Variants in CTNNA2 observed in about 807,000 individuals in gnomAD.
CTNNA2 encodes the protein catenin alpha-2.
In CTNNA2, 42 loss-of-function variants were observed where a neutral mutation model predicts 101.0. The observed-to-expected ratio is 0.42, with a 90% CI of 0.32 to 0.54. CTNNA2 has a LOEUF of 0.54. CTNNA2 is among the 20% of genes least tolerant of loss of function. The pLI is 0.14. For missense variants in CTNNA2, 871 were observed against 1,223.1 expected (o/e 0.71, Z 4.29); for synonymous variants, 450 against 456.4 (o/e 0.99, Z 0.18).
intron 4 of CTNNA2, among the ~76,000 whole-genome samples, chr2:79,409,706 T>C (rs1678385291): frequency 2.0e-5 from 3 of 150,000 alleles, no homozygotes; most frequent in Non-Finnish European, 4.5e-5. Context: ...ACTGTAGCCT[T>C]GTAGTATAGT....
At chr2:79,690,309 C>A (rs539228167) in intron 2 of CTNNA2, among the ~76,000 whole-genome samples, 1 of 152,068 alleles carries the variant, frequency 6.6e-6, no homozygotes, top group Middle Eastern at 3.4e-3. Context: ...CTGAAAATAA[C>A]TGATATTCTA....
At chr2:79,548,215 A>G (rs1233898272) in intron 1 of CTNNA2, 1 of 152,232 alleles carries the variant, frequency 6.6e-6, no homozygotes, top group Non-Finnish European at 1.5e-5. Flanking sequence ...TTTGAATCAT[A>G]CTTAACGGAA....
Position 79,576,399 on chromosome 2 carries a change from C to G in CTNNA2, c.-6+63192C>G, listed in dbSNP as rs558464741. On this transcript the variant is annotated intron_variant, in intron 1 of 18. Coordinates refer to ENST00000402739, the MANE Select transcript of CTNNA2 (RefSeq NM_001282597.3). The stretch of plus-strand genomic sequence containing the variant: ...TATATAGCTTTCAAAACTCAATGAA[C>G]TAAATATCTATTCTTTTTAATTTTA... 5.3e-5 allele frequency among the ~76,000 whole-genome samples: 8 copies of G among 152,230 alleles called. No homozygotes were observed. The South Asian group carries it at 1.7e-3, about 32-fold the overall frequency.
At chr2:79,222,460 C>T (rs1674357447) in intron 2 of CTNNA2, among the ~76,000 whole-genome samples, 1 of 152,150 alleles carries the variant, frequency 6.6e-6, no homozygotes. Context: ...AGTGGTGCCA[C>T]GTGGCAGTGA....
chr2:79,793,351 A>T (rs1201853545), intron 3 of CTNNA2, among the ~76,000 whole-genome samples: 1 of 152,192 alleles, frequency 6.6e-6, no homozygotes, highest in African/African-American at 2.4e-5. Context: ...TGGGGGTGAG[A>T]CAGAGCGACT....
intron 7 of CTNNA2, among the ~76,000 whole-genome samples, chr2:80,255,517 G>T (rs940590998): frequency 1.3e-5 from 2 of 152,096 alleles, no homozygotes; most frequent in Non-Finnish European, 2.9e-5. Flanking sequence ...AGATTTGTGA[G>T]CCTTGTCTGT....
At chr2:80,628,410 C>A (rs957961082) in intron 18 of CTNNA2, among the ~76,000 whole-genome samples, 36 of 151,648 alleles carry the variant, frequency 2.4e-4, no homozygotes, top group African/African-American at 8.7e-4. Flanking sequence ...TGGTACCAAA[C>A]CAGAGATATC....
intron 2 of CTNNA2, among the ~76,000 whole-genome samples, chr2:79,271,592 G>A (rs1218834791): frequency 6.6e-6 from 1 of 152,038 alleles, no homozygotes; most frequent in African/African-American, 2.4e-5. Flanking sequence ...GGCTGTCTGA[G>A]TAGAGGATCA....
chr2:79,949,246 G>T (rs951076451), intron 7 of CTNNA2, among the ~76,000 whole-genome samples: 5 of 152,060 alleles, frequency 3.3e-5, no homozygotes, highest in Non-Finnish European at 7.4e-5. Context: ...GACCCCCAAG[G>T]CCTTGTTTAG....
chr2:80,589,259 C>T (rs769168912), intron 14 of CTNNA2, 45 bp from the exon 15 acceptor site: 7 of 1,596,926 alleles, frequency 4.4e-6, no homozygotes, highest in Non-Finnish European at 6.0e-6. Context: ...ACGGTCTGTA[C>T]TTCCTTTGTC....
chr2:80,010,792 C>T (rs1454012832), intron 7 of CTNNA2, among the ~76,000 whole-genome samples: 1 of 152,010 alleles, frequency 6.6e-6, no homozygotes, highest in Admixed American at 6.6e-5. Flanking sequence ...TCATTTTCAG[C>T]ATTGTCTTTT....
At chr2:79,378,407 G>T (rs1006928612) in intron 4 of CTNNA2, among the ~76,000 whole-genome samples, 3 of 152,076 alleles carry the variant, frequency 2.0e-5, no homozygotes, top group Non-Finnish European at 4.4e-5. Flanking sequence ...GTATGCTCTA[G>T]TTTTGTTTAT....
intron 7 of CTNNA2, among the ~76,000 whole-genome samples, chr2:79,985,906 T>C (rs1186879432): frequency 6.6e-6 from 1 of 152,114 alleles, no homozygotes; most frequent in Non-Finnish European, 1.5e-5. Flanking sequence ...ATAAAGCAAA[T>C]ATCTGTCCTT....
chr2:80,137,190 G>T (rs1372846498), intron 7 of CTNNA2, among the ~76,000 whole-genome samples: 1 of 152,134 alleles, frequency 6.6e-6, no homozygotes, highest in Non-Finnish European at 1.5e-5. Flanking sequence ...GCAGAATACA[G>T]ATATTTTGAG....
intron 9 of CTNNA2, among the ~76,000 whole-genome samples, chr2:80,445,307 G>A (rs1432892271): frequency 3.3e-5 from 5 of 151,956 alleles, no homozygotes; most frequent in Admixed American, 6.6e-5. Context: ...TCAGCCTCCC[G>A]AGTGGCTGGG....
chr2:80,296,107 A>G (rs1055374612), intron 7 of CTNNA2, among the ~76,000 whole-genome samples: 1 of 152,184 alleles, frequency 6.6e-6, no homozygotes, highest in African/African-American at 2.4e-5. Context: ...TTTATGGGGT[A>G]CATGAGATAT....
At position 80,545,992 on chromosome 2, in the gene CTNNA2, A is replaced by G; in HGVS notation, c.1469A>G (p.Glu490Gly). The change falls in exon 11 of 19, where the codon GAG becomes GGG. Residue 490 changes from glutamate (E) to glycine (G), a missense_variant. Physicochemically the swap from Glu to Gly is moderately conservative, Grantham distance 98. Coordinates refer to ENST00000402739, the MANE Select transcript of CTNNA2 (RefSeq NM_001282597.3). ...ATGGACGTCTTCAAAGACCAGTGGG[A>G]GAAGCAGGTCCGAGTGTTGACAGAG... ...DNMDVFKDQW[E>G]KQVRVLTEAV... 1 of 1,614,128 alleles carries G rather than the reference A, an allele frequency of 6.2e-7. No homozygotes were observed. The highest frequency in any genetic ancestry group is 1.1e-5 in the South Asian group (1 of 91,078).
intron 2 of CTNNA2, among the ~76,000 whole-genome samples, chr2:79,309,627 T>TAAGAC (rs1676321391): frequency 8.6e-6 from 1 of 116,722 alleles, no homozygotes; most frequent in Non-Finnish European, 1.8e-5. Context: ...TTGTGTAAGA[T>TAAGAC]GAGAGAATTT....
chr2:80,639,806 A>C (rs1466302278), intron 18 of CTNNA2, among the ~76,000 whole-genome samples: 1 of 152,184 alleles, frequency 6.6e-6, no homozygotes, highest in Non-Finnish European at 1.5e-5. Flanking sequence ...CATCCTTTAG[A>C]TAAAAATATT....
Sources: allele counts gnomAD v4.1 joint callset (sites outside exome capture counted in the v4.1 genomes callset), GRCh38; gene constraint gnomAD v4.1.1; transcripts MANE v1.5; gene names NCBI Gene and HGNC (gene_info 2026-07-23, HGNC 2026-07-21).